The following PRKG1 variants were observed in gnomAD, a reference collection of about 807,000 sequenced individuals.
The protein encoded by PRKG1 is cGMP-dependent protein kinase 1.
Under a neutral mutation model 88.1 loss-of-function variants are expected in PRKG1, and 35 were observed. The ratio of observed to expected loss-of-function variants is 0.40; its 90% CI spans 0.30 to 0.53. The LOEUF is 0.53. Among genes scored for constraint, PRKG1 ranks in the 20% least tolerant of loss-of-function variants. PRKG1 has a pLI of 0.59. For synonymous variants in PRKG1, 303 were observed against 292.5 expected (o/e 1.04, Z -0.37); for missense variants, 540 against 839.8 (o/e 0.64, Z 4.41).
At position 51,950,754 on chromosome 10, in the gene PRKG1, C is replaced by A. The variant is rs574809944; in HGVS notation, c.762+43184C>A. Among the ~76,000 whole-genome samples, 60 of 152,378 alleles carry A rather than the reference C, an allele frequency of 3.9e-4. No homozygotes were observed. The Middle Eastern group carries it at 0.01, about 26-fold the overall frequency. The stretch of plus-strand genomic sequence containing the variant: ...GGCCCCATGGCATGGAGCAGCTGCC[C>A]TTCACTGGCAAGGGCAAAAGGCCAG... On this transcript the variant is annotated intron_variant, in intron 5 of 17. Coordinates refer to ENST00000373980, the MANE Select transcript of PRKG1 (RefSeq NM_006258.4).
intron 1 of PRKG1, among the ~76,000 whole-genome samples, chr10:51,011,735 C>T (rs1303095002): frequency 3.9e-5 from 6 of 152,168 alleles, no homozygotes; most frequent in Admixed American, 1.3e-4. Flanking sequence ...GCCATTCTTG[C>T]CTTACTCTGG....
intron 1 of PRKG1, among the ~76,000 whole-genome samples, chr10:51,114,513 A>G (rs1220426646): frequency 6.6e-6 from 1 of 151,942 alleles, no homozygotes; most frequent in Non-Finnish European, 1.5e-5. Context: ...CAAGGTGGGA[A>G]GGGGAACAAG....
intron 2 of PRKG1, among the ~76,000 whole-genome samples, chr10:51,315,662 A>G (rs1450734454): frequency 6.6e-6 from 1 of 152,220 alleles, no homozygotes; most frequent in Non-Finnish European, 1.5e-5. Context: ...CCACATAGCC[A>G]ATAAATGGAA....
intron 3 of PRKG1, among the ~76,000 whole-genome samples, chr10:51,675,222 G>C (rs116221534): frequency 0.039 from 5,949 of 152,148 alleles, 167 homozygotes; most frequent in Middle Eastern, 0.079. Context: ...TGGTTCAAAA[G>C]GTGACTGTTT....
In PRKG1 at chr10:51,340,074, C is replaced by G. The variant is rs72803201; in HGVS notation, c.479-127649C>G. 5.9e-3 allele frequency among the ~76,000 whole-genome samples: 895 copies of G among 152,216 alleles called. 5 individuals are homozygous for G. Among genetic ancestry groups the G allele is most frequent in the South Asian group, 0.022 (107 of 4,828 alleles). ...TGCTAGTGGATCTCAGCTTTATAAC[C>G]ATTTTATAGGAGAATCAGTCTTAGG... On this transcript the variant is annotated intron_variant, in intron 2 of 17. Coordinates refer to ENST00000373980, the MANE Select transcript of PRKG1 (RefSeq NM_006258.4).
At chr10:51,851,728 CT>C (rs1564675152) in intron 4 of PRKG1, among the ~76,000 whole-genome samples, 1 of 152,130 alleles carries the variant, frequency 6.6e-6, no homozygotes, top group Non-Finnish European at 1.5e-5. Context: ...TGACATTTTT[CT>C]CTAATGCAAT....
intron 2 of PRKG1, among the ~76,000 whole-genome samples, chr10:51,160,854 T>G (rs1032223205): frequency 6.6e-6 from 1 of 150,814 alleles, no homozygotes; most frequent in African/African-American, 2.5e-5. Flanking sequence ...AGAAATCCTC[T>G]TAACCAGTGT....
At chr10:51,578,116 T>C (rs1337895264) in intron 3 of PRKG1, among the ~76,000 whole-genome samples, 1 of 152,138 alleles carries the variant, frequency 6.6e-6, no homozygotes, top group African/African-American at 2.4e-5. Context: ...AGGAACATAA[T>C]GCTCTTCATT....
intron 2 of PRKG1, among the ~76,000 whole-genome samples, chr10:51,362,708 C>T (rs958739981): frequency 6.6e-6 from 1 of 151,650 alleles, no homozygotes; most frequent in African/African-American, 2.4e-5. Flanking sequence ...ATACACTTGC[C>T]ATGTTGGTTT....
At chr10:51,574,884 G>A (rs551177229) in intron 3 of PRKG1, among the ~76,000 whole-genome samples, 2 of 152,024 alleles carry the variant, frequency 1.3e-5, no homozygotes, top group South Asian at 4.2e-4. Context: ...CTATATTTGG[G>A]TAACAAAAGC....
At chr10:51,325,184 G>T (rs372284642) in intron 2 of PRKG1, among the ~76,000 whole-genome samples, 3 of 152,064 alleles carry the variant, frequency 2.0e-5, no homozygotes, top group East Asian at 1.9e-4. Flanking sequence ...CTTTTTTCCA[G>T]AAATATCTAT....
At chr10:51,894,423 A>G (rs1841793785) in intron 4 of PRKG1, among the ~76,000 whole-genome samples, 1 of 152,210 alleles carries the variant, frequency 6.6e-6, no homozygotes, top group Non-Finnish European at 1.5e-5. Flanking sequence ...TTTAACAGGT[A>G]CACAATTTCA....
rs74451779 is a variant in PRKG1 at position 52,116,655 on chromosome 10, A to G, written c.936-17185A>G. Among the ~76,000 whole-genome samples, 315 of 152,274 alleles carry G rather than the reference A, an allele frequency of 2.1e-3. 2 individuals carry two copies. The highest frequency in any genetic ancestry group is 7.4e-3 in the African/African-American group (307 of 41,564). Reference sequence around the variant, plus strand: ...GTGACACTCATGATGGTTTATCAACAGTAAACGGGAGTGAACAAGAATCTA... The same window carrying G: ...GTGACACTCATGATGGTTTATCAACGGTAAACGGGAGTGAACAAGAATCTA... On this transcript the variant is annotated intron_variant, in intron 7 of 17. Coordinates refer to ENST00000373980, the MANE Select transcript of PRKG1 (RefSeq NM_006258.4).
intron 10 of PRKG1, among the ~76,000 whole-genome samples, chr10:52,268,316 ATTTCTGTTGC>A (rs1360557212): frequency 1.3e-5 from 2 of 152,058 alleles, no homozygotes; most frequent in African/African-American, 4.8e-5. Flanking sequence ...ACTCCCAAGA[ATTTCTGTTGC>A]TTTCTGTAGC....
At position 51,394,319 on chromosome 10, in the gene PRKG1, A is replaced by G. The variant is rs1445227151; in HGVS notation, c.479-73404A>G. On this transcript the variant is annotated intron_variant, in intron 2 of 17. Coordinates refer to ENST00000373980, the MANE Select transcript of PRKG1 (RefSeq NM_006258.4). Reference sequence around the variant, plus strand: ...GCTCAGCTGAGGGATCTGACAGTAGAACCTAGACATGGCCTCTAGTTGTGA... The same window carrying G: ...GCTCAGCTGAGGGATCTGACAGTAGGACCTAGACATGGCCTCTAGTTGTGA... Among the ~76,000 whole-genome samples the G allele has an allele frequency of 2.0e-5, 3 of 152,188 alleles. No homozygotes were observed. The East Asian group carries it at 5.8e-4, about 29-fold the overall frequency.
At chr10:52,123,690 A>G (rs1564478991) in intron 7 of PRKG1, among the ~76,000 whole-genome samples, 1 of 152,184 alleles carries the variant, frequency 6.6e-6, no homozygotes, top group Non-Finnish European at 1.5e-5. Flanking sequence ...TGAAAAGGCC[A>G]TCAGTATAGG....
chr10:51,729,784 A>G (rs1842229329), intron 3 of PRKG1, among the ~76,000 whole-genome samples: 1 of 151,670 alleles, frequency 6.6e-6, no homozygotes, highest in Non-Finnish European at 1.5e-5. Context: ...AAACTACATC[A>G]TCAGCTACTG....
intron 1 of PRKG1, chr10:51,148,331 G>C (rs939344725): frequency 1.1e-6 from 1 of 896,272 alleles, no homozygotes; most frequent in African/African-American, 1.8e-5. Flanking sequence ...CAGTGCAAAA[G>C]AAAATTAGTG....
intron 7 of PRKG1, among the ~76,000 whole-genome samples, chr10:52,133,248 A>G (rs568978739): frequency 1.4e-4 from 21 of 152,110 alleles, no homozygotes; most frequent in Non-Finnish European, 2.5e-4. Context: ...AATGCTTCTA[A>G]AGAGACAATA....
Sources: gnomAD v4.1 joint callset for allele counts (sites outside exome capture counted in the v4.1 genomes callset) on GRCh38, gnomAD v4.1.1 for gene constraint, MANE v1.5 for transcripts, NCBI Gene and HGNC (gene_info 2026-07-23, HGNC 2026-07-21) for gene names.